The following AR variants were observed in gnomAD, a reference collection of about 807,000 sequenced individuals.
AR encodes dihydrotestosterone receptor.
Under a neutral mutation model 53.9 loss-of-function variants are expected in AR, and 8 were observed. The observed-to-expected ratio is 0.15, with a 90% CI of 0.09 to 0.27. The LOEUF is 0.27. Among genes scored for constraint, AR ranks in the 10% least tolerant of loss-of-function variants. The pLI, the probability that AR is intolerant of heterozygous loss-of-function variation, is 1.00. For missense variants in AR, 639 were observed against 742.5 expected, an observed-to-expected ratio of 0.86 and a Z score of 1.62; for synonymous variants, 359 against 316.4, an observed-to-expected ratio of 1.13 and a Z score of -1.43.
intron 3 of AR, chrX:67,695,584 TTC>T: frequency 1.3e-6 from 1 of 753,921 alleles, no homozygotes; most frequent in Non-Finnish European, 1.6e-6. Flanking sequence ...GAATATCTTG[TTC>T]TCTCTCTGCT....
chrX:67,546,355 G>T lies in AR; in HGVS notation c.1209G>T (p.Ala403=). 2 of 1,186,881 alleles carry T rather than the reference G, an allele frequency of 1.7e-6. No individual in the cohort carries two copies. Among genetic ancestry groups the T allele is most frequent in the Non-Finnish European group, 2.3e-6 (2 of 883,717 alleles). ...ACGGCAGCGCCTGGGCGGCTGCGGC[G>T]GCGCAGTGCCGCTATGGGGACCTGG... The part of the protein sequence containing the change: ...LDYGSAWAAA[A]AQCRYGDLAS... The change falls in exon 1 of 8, where the codon GCG becomes GCT. Residue 403 remains alanine, a synonymous_variant. Coordinates refer to ENST00000374690, the MANE Select transcript of AR (RefSeq NM_000044.6).
intron 2 of AR, among the ~76,000 whole-genome samples, chrX:67,671,914 G>A (rs1283993956): frequency 1.8e-5 from 2 of 111,477 alleles, no homozygotes; most frequent in South Asian, 3.8e-4. Flanking sequence ...TTGTAGATGT[G>A]TGGTGTTATT....
chrX:67,656,328 G>A (rs1217587987), intron 2 of AR, among the ~76,000 whole-genome samples: 1 of 111,031 alleles, frequency 9.0e-6, no homozygotes, highest in African/African-American at 3.3e-5. Context: ...TGCAGCTTTA[G>A]CACTATAAAG....
At chrX:67,708,542 G>A (rs1407983243) in intron 3 of AR, among the ~76,000 whole-genome samples, 3 of 111,327 alleles carry the variant, frequency 2.7e-5, no homozygotes, top group East Asian at 5.6e-4. Context: ...TTAGCCATTC[G>A]TCTAATCTTT....
rs2075967156 is a variant in AR, at chrX:67,686,396, G to A, written c.1885+270G>A. 3.6e-5 allele frequency among the ~76,000 whole-genome samples: 4 copies of A among 111,616 alleles called. No homozygotes were observed. In the Admixed American group the frequency reaches 3.8e-4, roughly 11 times the overall value. On this transcript the variant is annotated intron_variant, in intron 3 of 7. Transcript: ENST00000374690. ...TCAGGAGCCAACAGAAGGTGAGTGA[G>A]GATGCATCTGACTGGGCAGGGCCCC...
At chrX:67,624,314 A>G (rs920432875) in intron 1 of AR, among the ~76,000 whole-genome samples, 1 of 112,089 alleles carries the variant, frequency 8.9e-6, no homozygotes, top group Non-Finnish European at 1.9e-5. Context: ...AACTATCTAA[A>G]GTGACCAGTG....
chrX:67,715,381 A>G (rs1215800637), intron 4 of AR, among the ~76,000 whole-genome samples: 2 of 111,360 alleles, frequency 1.8e-5, no homozygotes, highest in Non-Finnish European at 3.8e-5. Flanking sequence ...GGTGGGAAGC[A>G]CAGGCCTGGG....
At chrX:67,637,298 G>C (rs1172374946) in intron 1 of AR, among the ~76,000 whole-genome samples, 2 of 102,464 alleles carry the variant, frequency 2.0e-5, no homozygotes, top group Non-Finnish European at 4.0e-5. Context: ...TTTAGCATTA[G>C]GTATATCTCC....
intron 4 of AR, among the ~76,000 whole-genome samples, chrX:67,716,344 G>T (rs1330564504): frequency 8.9e-6 from 1 of 112,073 alleles, no homozygotes; most frequent in South Asian, 3.7e-4. Flanking sequence ...CTTCTTCTTG[G>T]ATGAGTTGGG....
chrX:67,707,346 A>C (rs2076073081), intron 3 of AR, among the ~76,000 whole-genome samples: 1 of 112,143 alleles, frequency 8.9e-6, no homozygotes, highest in South Asian at 3.7e-4. Context: ...ATATATATTT[A>C]GGATAGTTAG....
At chrX:67,641,518 G>T (rs762678551) in intron 1 of AR, among the ~76,000 whole-genome samples, 1 of 112,105 alleles carries the variant, frequency 8.9e-6, no homozygotes, top group Non-Finnish European at 1.9e-5. Context: ...TTAGCCAAAA[G>T]AAATGATCTT....
chrX:67,569,806 G>T (rs181265992), intron 1 of AR, among the ~76,000 whole-genome samples: 1 of 110,684 alleles, frequency 9.0e-6, no homozygotes, highest in Non-Finnish European at 1.9e-5. Flanking sequence ...ACTGTTTTGG[G>T]GTGACTATTT....
At chrX:67,645,186 G>A (rs1337753197) in intron 2 of AR, among the ~76,000 whole-genome samples, 1 of 112,045 alleles carries the variant, frequency 8.9e-6, no homozygotes, top group Non-Finnish European at 1.9e-5. Context: ...AAATTCAATA[G>A]TCAGATAGAT....
intron 2 of AR, among the ~76,000 whole-genome samples, chrX:67,660,194 C>G (rs1926815580): frequency 8.9e-6 from 1 of 112,091 alleles, no homozygotes; most frequent in Admixed American, 9.5e-5. Flanking sequence ...GTTTCTTTTG[C>G]TATGCAGAAG....
intron 2 of AR, among the ~76,000 whole-genome samples, chrX:67,685,461 G>A (rs1386927918): frequency 9.0e-6 from 1 of 111,132 alleles, no homozygotes; most frequent in Non-Finnish European, 1.9e-5. Flanking sequence ...TTTATAACCT[G>A]CAAGACTGGG....
chrX:67,631,743 G>T (rs1325098422), intron 1 of AR, among the ~76,000 whole-genome samples: 1 of 112,430 alleles, frequency 8.9e-6, no homozygotes, highest in African/African-American at 3.2e-5. Flanking sequence ...CAGTTTTTCT[G>T]CTCTGTTTTT....
intron 1 of AR, among the ~76,000 whole-genome samples, chrX:67,617,636 A>G (rs187979493): frequency 3.4e-4 from 38 of 111,884 alleles, no homozygotes; most frequent in African/African-American, 1.2e-3. Flanking sequence ...GATTGTGCAG[A>G]TCCCACAAGA....
At chrX:67,667,112 A>G (rs1049947914) in intron 2 of AR, among the ~76,000 whole-genome samples, 1 of 111,527 alleles carries the variant, frequency 9.0e-6, no homozygotes, top group African/African-American at 3.3e-5. Context: ...CTGGTGCGGT[A>G]TTACTCAAGA....
chrX:67,550,859 G>A (rs187992981), intron 1 of AR, among the ~76,000 whole-genome samples: 1 of 107,754 alleles, frequency 9.3e-6, no homozygotes, highest in African/African-American at 3.4e-5. Flanking sequence ...CACTTCTCAG[G>A]GTATTTTTCT....
Sources: gnomAD v4.1 joint callset for allele counts (sites outside exome capture counted in the v4.1 genomes callset) on GRCh38, gnomAD v4.1.1 for gene constraint, MANE v1.5 for transcripts, NCBI Gene and HGNC (gene_info 2026-07-23, HGNC 2026-07-21) for gene names.